Variants in PCDHA8 observed in about 807,000 individuals in gnomAD.
The protein encoded by PCDHA8 is protocadherin alpha-8.
In PCDHA8, 53 loss-of-function variants were observed where a neutral mutation model predicts 61.8. The ratio of observed to expected loss-of-function variants is 0.86; its 90% CI spans 0.69 to 1.08. PCDHA8 has a LOEUF of 1.08. Ranked by LOEUF, PCDHA8 falls within the 50% of genes least tolerant of loss-of-function variation. The pLI, the probability that PCDHA8 is intolerant of heterozygous loss-of-function variation, is 0.00. For synonymous variants in PCDHA8, 618 were observed against 556.6 expected (o/e 1.11, Z -1.55); for missense variants, 1,293 against 1,245.0 (o/e 1.04, Z -0.58).
At chr5:140,931,970 G>A (rs2087909153) in intron 1 of PCDHA8, among the ~76,000 whole-genome samples, 1 of 151,866 alleles carries the variant, frequency 6.6e-6, no homozygotes, top group Non-Finnish European at 1.5e-5. Flanking sequence ...TGATGCATAT[G>A]TGTTTATATT....
At chr5:140,960,303 C>G (rs2095539243) in intron 1 of PCDHA8, among the ~76,000 whole-genome samples, 1 of 152,132 alleles carries the variant, frequency 6.6e-6, no homozygotes, top group African/African-American at 2.4e-5. Context: ...TTCATCAATA[C>G]CAACCTCATT....
At chr5:140,882,408 G>T in intron 1 of PCDHA8, 2 of 1,614,138 alleles carry the variant, frequency 1.2e-6, no homozygotes, top group Non-Finnish European at 8.5e-7. Flanking sequence ...TTCGTGGGCC[G>T]CATCGCTCAG....
Position 140,967,363 on chromosome 5 carries a change from C to T in PCDHA8, c.2395-11586C>T, listed in dbSNP as rs539138806. On this transcript the variant is annotated intron_variant, in intron 1 of 3. Coordinates refer to ENST00000531613, the MANE Select transcript of PCDHA8 (RefSeq NM_018911.3). ...AGCACTTCGAGCTGGACCTTAAGCCCCTGCAGGAGAACAGTAAAGTGCTTG... is the reference window on the plus strand; with the variant it reads ...AGCACTTCGAGCTGGACCTTAAGCCTCTGCAGGAGAACAGTAAAGTGCTTG... The T allele has an allele frequency of 1.6e-5, 26 of 1,607,546 alleles. No homozygotes were observed. The South Asian group carries it at 2.9e-4, about 18-fold the overall frequency.
chr5:140,918,991 G>A (rs1453656237), intron 1 of PCDHA8, among the ~76,000 whole-genome samples: 2 of 152,184 alleles, frequency 1.3e-5, no homozygotes, highest in African/African-American at 4.8e-5. Flanking sequence ...GGTTTTTAGT[G>A]TTGTTCACAT....
Position 140,961,453 on chromosome 5 carries a change from C to A in PCDHA8, c.2395-17496C>A, listed in dbSNP as rs138800149. On this transcript the variant is annotated intron_variant, in intron 1 of 3. Transcript: ENST00000531613. ...AAAATCACCTAACTACACTGTCTTG[C>A]AGCTGCCTTTCTTTTTTTGTCTTGT... Among the ~76,000 whole-genome samples the A allele has an allele frequency of 2.6e-3, 401 of 152,318 alleles. 1 individual carries two copies. The highest frequency in any genetic ancestry group is 9.2e-3 in the African/African-American group (384 of 41,574).
At chr5:140,892,673 T>C (rs1554185319) in intron 1 of PCDHA8, among the ~76,000 whole-genome samples, 1 of 152,262 alleles carries the variant, frequency 6.6e-6, no homozygotes, top group East Asian at 1.9e-4. Flanking sequence ...TTGATACATA[T>C]ATACAATGTA....
chr5:140,935,242 A>G (rs1054515711), intron 1 of PCDHA8, among the ~76,000 whole-genome samples: 16 of 152,218 alleles, frequency 1.1e-4, no homozygotes, highest in African/African-American at 3.6e-4. Context: ...ATTTTTTAAA[A>G]GATAAAATAC....
At chr5:140,919,858 T>C (rs1392372108) in intron 1 of PCDHA8, among the ~76,000 whole-genome samples, 1 of 152,246 alleles carries the variant, frequency 6.6e-6, no homozygotes, top group Non-Finnish European at 1.5e-5. Flanking sequence ...TGACCTCATT[T>C]GGAAATAAGT....
At chr5:140,883,538 G>A (rs782240531) in intron 1 of PCDHA8, 1 of 1,614,230 alleles carries the variant, frequency 6.2e-7, no homozygotes, top group Admixed American at 1.7e-5. Flanking sequence ...CTATGAACTG[G>A]TGGTGACCGC....
chr5:140,956,710 CAGA>C (rs1554222572), intron 1 of PCDHA8, among the ~76,000 whole-genome samples: 1 of 152,144 alleles, frequency 6.6e-6, no homozygotes, highest in Non-Finnish European at 1.5e-5. Flanking sequence ...GGAATAGCTT[CAGA>C]AGAATTGGTA....
chr5:140,931,838 C>G (rs572437091), intron 1 of PCDHA8, among the ~76,000 whole-genome samples: 4 of 151,894 alleles, frequency 2.6e-5, no homozygotes, highest in African/African-American at 9.6e-5. Context: ...ATCCTGAATG[C>G]CTTAATAACA....
chr5:140,872,442 C>T (rs1443444144), intron 1 of PCDHA8, among the ~76,000 whole-genome samples: 1 of 152,070 alleles, frequency 6.6e-6, no homozygotes, highest in Non-Finnish European at 1.5e-5. Context: ...GCCTGGACAA[C>T]ATAGCGAGAT....
intron 1 of PCDHA8, among the ~76,000 whole-genome samples, chr5:140,960,334 T>C (rs902345282): frequency 6.6e-6 from 1 of 152,182 alleles, no homozygotes; most frequent in African/African-American, 2.4e-5. Context: ...GAGAAGTACA[T>C]GAGGTGAGAT....
At position 140,967,080 on chromosome 5, in the gene PCDHA8, T is replaced by C. The variant is rs781942171; in HGVS notation, c.2395-11869T>C. On this transcript the variant is annotated intron_variant, in intron 1 of 3. Transcript: ENST00000531613. The stretch of plus-strand genomic sequence containing the variant: ...GGAGCGCTCTTCGTCAACGAGCGCA[T>C]TGATCGGGAGGCGCTGTGTGAGCAG... 168 of 1,613,222 alleles carry C rather than the reference T, an allele frequency of 1.0e-4. No homozygotes were observed. The highest frequency in any genetic ancestry group is 3.7e-4 in the Admixed American group (22 of 60,010).
At position 141,010,234 on chromosome 5, in the gene PCDHA8, T is replaced by C. The variant is rs1455330920; in HGVS notation, c.*297T>C. 1 of 1,551,824 alleles carries C rather than the reference T, an allele frequency of 6.4e-7. No individual in the cohort carries two copies. Among genetic ancestry groups the C allele is most frequent in the Non-Finnish European group, 8.7e-7 (1 of 1,147,042 alleles). On this transcript the variant is annotated 3_prime_UTR_variant, in exon 4 of 4. Transcript: ENST00000531613. ...AGGAGAGGCTTCCCAGCCCCGCCAG[T>C]GAGAGGTTGGACTCTCTGCCCTGTG...
chr5:140,954,181 T>C (rs1342526768), intron 1 of PCDHA8, among the ~76,000 whole-genome samples: 1 of 152,234 alleles, frequency 6.6e-6, no homozygotes, highest in Non-Finnish European at 1.5e-5. Flanking sequence ...ATCCAGTCTA[T>C]CATTGATGGG....
intron 1 of PCDHA8, among the ~76,000 whole-genome samples, chr5:140,909,201 C>T (rs1379290108): frequency 2.0e-5 from 3 of 152,136 alleles, no homozygotes; most frequent in South Asian, 2.1e-4. Context: ...GACACAAAGC[C>T]GGAGAGTTGA....
intron 1 of PCDHA8, among the ~76,000 whole-genome samples, chr5:140,905,582 A>C (rs1281901890): frequency 1.3e-5 from 2 of 152,068 alleles, no homozygotes; most frequent in South Asian, 2.1e-4. Flanking sequence ...AATGATAATG[A>C]TATTTTGCTG....
At chr5:140,895,165 T>C (rs28385500) in intron 1 of PCDHA8, among the ~76,000 whole-genome samples, 2,119 of 152,268 alleles carry the variant, frequency 0.014, 42 homozygotes, top group African/African-American at 0.049. Context: ...CACAATCCAA[T>C]CTATTTGTAG....
Sources: gnomAD v4.1 joint callset for allele counts (sites outside exome capture counted in the v4.1 genomes callset) on GRCh38, gnomAD v4.1.1 for gene constraint, MANE v1.5 for transcripts, NCBI Gene and HGNC (gene_info 2026-07-23, HGNC 2026-07-21) for gene names.